CASZ1: variants seen among roughly 807,000 people sequenced by gnomAD.
CASZ1 encodes castor zinc finger 1, also known as zinc finger protein castor homolog 1.
CASZ1 carries 28 observed loss-of-function variants against 135.2 expected under a neutral mutation model. The observed-to-expected ratio is 0.21, with a 90% CI of 0.15 to 0.28. CASZ1 has a LOEUF of 0.28. Among genes scored for constraint, CASZ1 ranks in the 10% least tolerant of loss-of-function variants. The probability of loss-of-function intolerance (pLI) is 1.00; values close to 1 mark genes in which losing one functional copy is unlikely to be tolerated. For synonymous variants in CASZ1, 1,068 were observed against 1,073.4 expected (o/e 0.99, Z 0.10); for missense variants, 2,161 against 2,453.3 (o/e 0.88, Z 2.52).
At chr1:10,658,372 A>G (rs1642880626) in intron 7 of CASZ1, 136 bp downstream of exon 7, 14 of 689,572 alleles carry the variant, frequency 2.0e-5, no homozygotes, top group Non-Finnish European at 3.1e-5. Context: ...CGGTGGAGGG[A>G]CCGAAGTGGA....
chr1:10,646,189 T>C lies in CASZ1; in HGVS notation c.3635A>G (p.Asn1212Ser), dbSNP rs1642358633. 6.2e-7 allele frequency: 1 copy of C among 1,613,796 alleles called. No homozygotes were observed. Among genetic ancestry groups the C allele is most frequent in the South Asian group, 1.1e-5 (1 of 91,046 alleles). The change falls in exon 17 of 21, where the codon AAC becomes AGC. Residue 1212 changes from asparagine to serine, a missense_variant. Physicochemically the swap from Asn to Ser is conservative, Grantham distance 46 (BLOSUM62 1). Around this residue, in one of 7 missense-constraint regions of CASZ1, gnomAD observed 349 missense variants for 460.8 expected, o/e 0.76. Coordinates refer to ENST00000377022, the MANE Select transcript of CASZ1 (RefSeq NM_001079843.3). The surrounding 1 kb of genome is among the most constrained non-coding windows in gnomAD (Gnocchi z 6.4). ...HCLDHINPNN[N>S]LVNVRDQFAY... ...AAACTGGTCTCGCACGTTCACCAGG[T>C]TGTTGTTGGGGTTGATGTGGTCCAG...
chr1:10,656,625 C>A (rs777408598), intron 8 of CASZ1, 21 bp downstream of exon 8: 16 of 1,561,030 alleles, frequency 1.0e-5, no homozygotes, highest in Non-Finnish European at 1.4e-5. Context: ...AGAGGCGGAG[C>A]CCATCTGGCT....
chr1:10,787,927 A>G (rs181752008), intron 1 of CASZ1, among the ~76,000 whole-genome samples: 2 of 152,236 alleles, frequency 1.3e-5, no homozygotes, highest in Admixed American at 6.5e-5. Context: ...TCCAAAAGAA[A>G]CACAGAGTTT....
At chr1:10,728,168 C>T (rs1022803303) in intron 2 of CASZ1, among the ~76,000 whole-genome samples, 6 of 152,222 alleles carry the variant, frequency 3.9e-5, no homozygotes, top group African/African-American at 1.2e-4. Flanking sequence ...AGGCCGCACA[C>T]GGGAGGACTC....
chr1:10,741,296 T>G lies in CASZ1; in HGVS notation c.-77+19405A>C, dbSNP rs1251885344. On this transcript the variant is annotated intron_variant, in intron 2 of 20. Transcript: ENST00000377022. This position sits in a 1 kb window ranked among gnomAD's most constrained non-coding sequence, Gnocchi z 5.0. The stretch of plus-strand genomic sequence containing the variant: ...CTGCGCCTGGCTCTATATTGGGCTT[T>G]AAACGACATGAGGGCAGGGACTTGT... 6.6e-6 allele frequency among the ~76,000 whole-genome samples: 1 copy of G among 152,208 alleles called. No homozygotes were observed. The highest frequency in any genetic ancestry group is 1.5e-5 in the Non-Finnish European group (1 of 68,040).
Position 10,653,708 on chromosome 1 carries a change from T to C in CASZ1, c.2349A>G (p.Ser783=), listed in dbSNP as rs284294. 0.53 allele frequency: 847,059 copies of C among 1,590,890 alleles called. 229,176 individuals are homozygous for C. The highest frequency in any genetic ancestry group is 0.67 in the African/African-American group (49,972 of 74,504). The change falls in exon 11 of 21, where the codon TCA becomes TCG. Residue 783 remains serine (S), a synonymous_variant. Transcript: ENST00000377022. ...SGLLPQGLPG[S]IPLALALSNS... is the part of the protein sequence containing the mutation. ...TGGAGAGGGCCAGGGCCAGGGGGATTGAGCCAGGCAGGCCCTGGGGCAGCA... is the reference window on the plus strand; with the variant it reads ...TGGAGAGGGCCAGGGCCAGGGGGATCGAGCCAGGCAGGCCCTGGGGCAGCA...
At chr1:10,789,843 C>G (rs1405533858) in intron 1 of CASZ1, among the ~76,000 whole-genome samples, 1 of 152,214 alleles carries the variant, frequency 6.6e-6, no homozygotes, top group Non-Finnish European at 1.5e-5. Context: ...AAGGGCCCAG[C>G]TTGCCTGCAA....
intron 2 of CASZ1, among the ~76,000 whole-genome samples, chr1:10,745,289 GGCA>G (rs1640017924): frequency 6.6e-6 from 1 of 152,150 alleles, no homozygotes; most frequent in Non-Finnish European, 1.5e-5. Context: ...GGGAACCCCA[GGCA>G]GCCTGCATCA....
At chr1:10,737,331 G>A (rs1639819589) in intron 2 of CASZ1, among the ~76,000 whole-genome samples, 1 of 151,910 alleles carries the variant, frequency 6.6e-6, no homozygotes, top group African/African-American at 2.4e-5. Context: ...TCCCCTCTCA[G>A]GCTGGGCATG....
At chr1:10,732,972 T>G (rs1313863293) in intron 2 of CASZ1, among the ~76,000 whole-genome samples, 1 of 152,106 alleles carries the variant, frequency 6.6e-6, no homozygotes, top group African/African-American at 2.4e-5. Context: ...AGGCTGGAAA[T>G]GAGCAAAGGC....
At chr1:10,686,293 G>A (rs1478047597) in intron 4 of CASZ1, among the ~76,000 whole-genome samples, 1 of 152,162 alleles carries the variant, frequency 6.6e-6, no homozygotes, top group African/African-American at 2.4e-5. Flanking sequence ...TGATAAAGTT[G>A]GCAGAAAAAA....
In CASZ1 at chr1:10,708,303, C is replaced by A. The variant is rs79031475; in HGVS notation, c.-76-2759G>T. ...AGAGGCATCAGGCTGCCCATCCCAC[C>A]ATCCCATTGCACAAGTAAGGATGAG... On this transcript the variant is annotated intron_variant, in intron 2 of 20. Transcript: ENST00000377022. Among the ~76,000 whole-genome samples the A allele has an allele frequency of 8.6e-3, 1,305 of 152,336 alleles. 9 individuals are homozygous for A. The highest frequency in any genetic ancestry group is 0.011 in the Non-Finnish European group (739 of 68,040).
Position 10,794,089 on chromosome 1 carries a change from G to T in CASZ1, c.-234+2475C>A, listed in dbSNP as rs1487953203. Among the ~76,000 whole-genome samples the T allele has an allele frequency of 2.0e-5, 3 of 152,050 alleles. No homozygotes were observed. The highest frequency in any genetic ancestry group is 2.9e-5 in the Non-Finnish European group (2 of 68,006). ...AACTACCCCCCTCCCCATGCCCGGCGCAGCTGCTCCTGCTCAGCCGGGACA... is the reference window on the plus strand; with the variant it reads ...AACTACCCCCCTCCCCATGCCCGGCTCAGCTGCTCCTGCTCAGCCGGGACA... On this transcript the variant is annotated intron_variant, in intron 1 of 20. Coordinates refer to ENST00000377022, the MANE Select transcript of CASZ1 (RefSeq NM_001079843.3). This position sits in a 1 kb window ranked among gnomAD's most constrained non-coding sequence, Gnocchi z 5.6.
chr1:10,654,450 A>C lies in CASZ1; in HGVS notation c.1807T>G (p.Tyr603Asp). 6.2e-7 allele frequency: 1 copy of C among 1,614,186 alleles called. No homozygotes were observed. The highest frequency in any genetic ancestry group is 1.1e-5 in the South Asian group (1 of 91,080). Residue 603 changes from tyrosine (Y) to aspartate (D), a missense_variant, in exon 10 of 21, where the codon TAC becomes GAC. Transcript: ENST00000377022. ...TGGAAGTGCGTGGTCTTCTGTCCGT[A>C]GAACTGGCAGTCGGCTGTGCCACAG... ...EDCGTADCQF[Y>D]GQKTTHFHCR...
At position 10,755,596 on chromosome 1, in the gene CASZ1, G is replaced by A. The variant is rs1392730884; in HGVS notation, c.-77+5105C>T. Among the ~76,000 whole-genome samples, 6 of 152,248 alleles carry A rather than the reference G, an allele frequency of 3.9e-5. No individual in the cohort carries two copies. The highest frequency in any genetic ancestry group is 2.6e-4 in the Admixed American group (4 of 15,302). ...TCCCAATCCCTCTTCCCTGGGGCCC[G>A]TGCATGGCGAGATGCGGGGTTTTCC... On this transcript the variant is annotated intron_variant, in intron 2 of 20. Coordinates refer to ENST00000377022, the MANE Select transcript of CASZ1 (RefSeq NM_001079843.3). This position sits in a 1 kb window ranked among gnomAD's most constrained non-coding sequence, Gnocchi z 4.3.
chr1:10,731,944 T>C (rs1348767487), intron 2 of CASZ1, among the ~76,000 whole-genome samples: 3 of 152,360 alleles, frequency 2.0e-5, no homozygotes, highest in South Asian at 4.1e-4. Context: ...CATGGACTTA[T>C]TGCTGTTATT....
rs183024234 is a variant in CASZ1, at chr1:10,710,665, C to T, written c.-76-5121G>A. Among the ~76,000 whole-genome samples the T allele has an allele frequency of 1.2e-3, 178 of 152,380 alleles. 1 individual carries two copies. The highest frequency in any genetic ancestry group is 4.1e-3 in the African/African-American group (169 of 41,588). On this transcript the variant is annotated intron_variant, in intron 2 of 20. Transcript: ENST00000377022. Reference sequence around the variant, plus strand: ...AGTGCCTCCTCTCAACAGACAGGCACGTCGCCAACAGATGCACAGAAAGAC... The same window carrying T: ...AGTGCCTCCTCTCAACAGACAGGCATGTCGCCAACAGATGCACAGAAAGAC...
chr1:10,674,271 G>A (rs745981851), intron 4 of CASZ1, among the ~76,000 whole-genome samples: 5 of 152,264 alleles, frequency 3.3e-5, no homozygotes, highest in Non-Finnish European at 7.3e-5. Context: ...GAGGGCCAGT[G>A]CCTCCAGGTC....
chr1:10,660,613 A>G, intron 5 of CASZ1, 77 bp from the exon 6 acceptor site: 1 of 1,255,254 alleles, frequency 8.0e-7, no homozygotes, highest in Non-Finnish European at 1.1e-6. Context: ...GGGGGCCCCC[A>G]CCCATAGAGG....
Sources: gnomAD v4.1 joint callset for allele counts (sites outside exome capture counted in the v4.1 genomes callset) on GRCh38, gnomAD v4.1.1 for gene constraint, gnomAD v4.1.1 regional missense constraint, Gnocchi (gnomAD v3.1) non-coding constraint, MANE v1.5 for transcripts, NCBI Gene and HGNC (gene_info 2026-07-23, HGNC 2026-07-21) for gene names.